Variants in SORCS3 observed in about 807,000 individuals in gnomAD.
SORCS3 encodes the protein sortilin related VPS10 domain containing receptor 3.
Under a neutral mutation model 146.3 loss-of-function variants are expected in SORCS3, and 57 were observed. The observed-to-expected ratio is 0.39, with a 90% CI of 0.31 to 0.49. The LOEUF (loss-of-function observed/expected upper bound fraction) is 0.49, where lower values mean the gene tolerates loss of function less well. Ranked by LOEUF, SORCS3 falls within the 20% of genes least tolerant of loss-of-function variation. SORCS3 has a pLI of 0.92. For synonymous variants in SORCS3, 653 were observed against 618.5 expected (o/e 1.06, Z -0.83); for missense variants, 1,341 against 1,575.5 (o/e 0.85, Z 2.52).
intron 7 of SORCS3, among the ~76,000 whole-genome samples, chr10:105,120,092 G>A (rs1443196715): frequency 1.3e-5 from 2 of 152,114 alleles, no homozygotes; most frequent in South Asian, 2.1e-4. Flanking sequence ...CTGGTGGGAG[G>A]TAATTGAATC....
At chr10:104,904,004 A>G (rs762407062) in intron 2 of SORCS3, among the ~76,000 whole-genome samples, 4 of 152,232 alleles carry the variant, frequency 2.6e-5, no homozygotes, top group Admixed American at 1.3e-4. Flanking sequence ...TTGTTATTTT[A>G]AAATGAGTCA....
chr10:104,763,218 T>TA (rs1378030811), intron 1 of SORCS3, among the ~76,000 whole-genome samples: 2 of 152,204 alleles, frequency 1.3e-5, no homozygotes, highest in African/African-American at 4.8e-5. Context: ...AGGTGATTCT[T>TA]ACGCATGCTA....
At chr10:104,885,779 C>T (rs182236226) in intron 2 of SORCS3, among the ~76,000 whole-genome samples, 10 of 152,228 alleles carry the variant, frequency 6.6e-5, no homozygotes, top group Admixed American at 5.2e-4. Flanking sequence ...CTCAGCACTA[C>T]GAAGGATTTT....
intron 3 of SORCS3, among the ~76,000 whole-genome samples, chr10:104,919,748 T>C (rs2019068646): frequency 6.6e-6 from 1 of 152,130 alleles, no homozygotes; most frequent in South Asian, 2.1e-4. Flanking sequence ...AGTGCTTTCC[T>C]CATCATCCAA....
Position 105,178,181 on chromosome 10 carries a change from CTTCTTTTGCTGTGACAGGAAGA to C in SORCS3, c.2009+9_2009+30del, listed in dbSNP as rs2056419979. On this transcript the variant is annotated intron_variant, in intron 14 of 26. Coordinates refer to ENST00000369701, the MANE Select transcript of SORCS3 (RefSeq NM_014978.3). The stretch of plus-strand genomic sequence containing the variant: ...GGAGACCCACATCATGACGTGAGTA[CTTCTTTTGCTGTGACAGGAAGA>C]AGACCAGAGACACTGGTTCTACTTT... 1 of 1,596,436 alleles carries C rather than the reference CTTCTTTTGCTGTGACAGGAAGA, an allele frequency of 6.3e-7. No homozygotes were observed.
intron 1 of SORCS3, among the ~76,000 whole-genome samples, chr10:104,826,655 A>G (rs60825491): frequency 0.015 from 2,325 of 152,320 alleles, 60 homozygotes; most frequent in African/African-American, 0.052. Context: ...CTCAATGTCA[A>G]TGGCTGCTGA....
At chr10:104,710,184 C>T (rs1158911873) in intron 1 of SORCS3, among the ~76,000 whole-genome samples, 1 of 152,166 alleles carries the variant, frequency 6.6e-6, no homozygotes, top group Non-Finnish European at 1.5e-5. Context: ...TCCCATCTTT[C>T]AGAAAAAACA....
intron 5 of SORCS3, among the ~76,000 whole-genome samples, chr10:105,062,105 A>G (rs1201071922): frequency 6.6e-6 from 1 of 152,238 alleles, no homozygotes; most frequent in African/African-American, 2.4e-5. Context: ...TTTGATAATA[A>G]TGGTGGTAAA....
chr10:105,066,186 G>A (rs1410441878), intron 5 of SORCS3, among the ~76,000 whole-genome samples: 2 of 152,178 alleles, frequency 1.3e-5, no homozygotes, highest in African/African-American at 2.4e-5. Flanking sequence ...TTGTGACCAC[G>A]TTGCACAAAA....
At chr10:105,076,527 A>T (rs951552782) in intron 5 of SORCS3, among the ~76,000 whole-genome samples, 3 of 152,122 alleles carry the variant, frequency 2.0e-5, no homozygotes, top group Non-Finnish European at 2.9e-5. Context: ...TGACCTTCAC[A>T]TCATCACTGG....
chr10:105,227,709 A>G (rs139899108), intron 20 of SORCS3, among the ~76,000 whole-genome samples: 39 of 152,144 alleles, frequency 2.6e-4, no homozygotes, highest in African/African-American at 9.4e-4. Context: ...TTTGCTTTGT[A>G]TATCTGGGTG....
chr10:104,724,830 G>A (rs1052532524), intron 1 of SORCS3, among the ~76,000 whole-genome samples: 1 of 152,076 alleles, frequency 6.6e-6, no homozygotes, highest in African/African-American at 2.4e-5. Flanking sequence ...GCTCCATCAG[G>A]TCCTTTAAGG....
At chr10:104,845,283 C>G (rs986714648) in intron 2 of SORCS3, among the ~76,000 whole-genome samples, 1 of 152,156 alleles carries the variant, frequency 6.6e-6, no homozygotes, top group Non-Finnish European at 1.5e-5. Flanking sequence ...TCTTCCCACA[C>G]CCACTCACAT....
chr10:104,900,353 T>G (rs2018839012), intron 2 of SORCS3, among the ~76,000 whole-genome samples: 1 of 152,184 alleles, frequency 6.6e-6, no homozygotes, highest in African/African-American at 2.4e-5. Flanking sequence ...TACCTGTCTT[T>G]TATTTCTTGC....
At chr10:104,947,333 G>A (rs2019382106) in intron 3 of SORCS3, among the ~76,000 whole-genome samples, 1 of 152,098 alleles carries the variant, frequency 6.6e-6, no homozygotes, top group Non-Finnish European at 1.5e-5. Flanking sequence ...CTCTCTCTGG[G>A]TATCAGAAAG....
At chr10:104,781,706 A>G (rs143020549) in intron 1 of SORCS3, among the ~76,000 whole-genome samples, 11 of 152,274 alleles carry the variant, frequency 7.2e-5, no homozygotes, top group African/African-American at 1.7e-4. Context: ...TAATTACCAG[A>G]TAACAGTTAT....
At chr10:105,031,668 T>C (rs1276228971) in intron 4 of SORCS3, among the ~76,000 whole-genome samples, 3 of 152,204 alleles carry the variant, frequency 2.0e-5, no homozygotes, top group East Asian at 3.9e-4. Flanking sequence ...ATTTCTTACA[T>C]TAAGCAAACA....
chr10:105,145,048 A>G (rs2056121506), intron 8 of SORCS3, among the ~76,000 whole-genome samples: 1 of 152,118 alleles, frequency 6.6e-6, no homozygotes, highest in Non-Finnish European at 1.5e-5. Context: ...TACTCCAGAC[A>G]TACTGAATTA....
intron 1 of SORCS3, among the ~76,000 whole-genome samples, chr10:104,742,079 G>A (rs1436165737): frequency 2.0e-5 from 3 of 151,772 alleles, no homozygotes; most frequent in African/African-American, 4.8e-5. Flanking sequence ...GTTTTAGCAG[G>A]CTTTCTCTTA....
Sources: allele counts gnomAD v4.1 joint callset (sites outside exome capture counted in the v4.1 genomes callset), GRCh38; gene constraint gnomAD v4.1.1; transcripts MANE v1.5; gene names NCBI Gene and HGNC (gene_info 2026-07-23, HGNC 2026-07-21).